NOC4L: variants seen among roughly 807,000 people sequenced by gnomAD.
NOC4L encodes the protein nucleolar complex protein 4 homolog.
Under a neutral mutation model 62.8 loss-of-function variants are expected in NOC4L, and 40 were observed. That is an observed-to-expected ratio of 0.64 (90% CI 0.49 to 0.83). The LOEUF is 0.83. Ranked by LOEUF, NOC4L falls within the 40% of genes least tolerant of loss-of-function variation. The pLI is 0.00. For missense variants in NOC4L, 927 were observed against 701.9 expected, an observed-to-expected ratio of 1.32 and a Z score of -3.62; for synonymous variants, 433 against 299.8, an observed-to-expected ratio of 1.44 and a Z score of -4.59.
intron 7 of NOC4L, 79 bp downstream of exon 7, chr12:132,148,185 T>G (rs1897797870): frequency 1.4e-6 from 2 of 1,457,126 alleles, no homozygotes; most frequent in Non-Finnish European, 1.9e-6. Flanking sequence ...CCATGGAGGC[T>G]GCCGCCTTCC....
intron 3 of NOC4L, among the ~76,000 whole-genome samples, chr12:132,146,695 C>T (rs1897740442): frequency 6.6e-6 from 1 of 152,186 alleles, no homozygotes; most frequent in South Asian, 2.1e-4. Context: ...CAGTTTCCAC[C>T]TTCTCAGAAA....
chr12:132,152,111 G>T lies in NOC4L; in HGVS notation c.1345G>T (p.Val449Leu), dbSNP rs753146751. The change falls in exon 14 of 15, where the codon GTG (valine) becomes TTG (leucine). Residue 449 changes from valine to leucine, a missense_variant. Coordinates refer to ENST00000330579, the MANE Select transcript of NOC4L (RefSeq NM_024078.3). The part of the protein sequence containing the change: ...QALQRHYHPE[V>L]SKAASVINQA... ...CCTCCAGCGCCACTACCACCCTGAG[G>T]TGTCCAAAGCCGCCAGCGTCATCAA... 1.2e-6 allele frequency: 2 copies of T among 1,612,228 alleles called. No homozygotes were observed. The highest frequency in any genetic ancestry group is 1.7e-6 in the Non-Finnish European group (2 of 1,179,822).
chr12:132,144,466 CG>C lies in NOC4L; in HGVS notation c.-22del. The stretch of plus-strand genomic sequence containing the variant: ...GGGAGCGCCGGCGGCTGAGAATCCG[CG>C]TTGTTCCGTGTTGGGGGCGGCATGG... On this transcript the variant is annotated 5_prime_UTR_variant, in exon 1 of 15. Transcript: ENST00000330579. The C allele has an allele frequency of 6.7e-7, 1 of 1,502,460 alleles. No individual in the cohort carries two copies. The highest frequency in any genetic ancestry group is 1.3e-5 in the South Asian group (1 of 77,646). 93.1% of individuals were successfully genotyped at this position (1,502,460 alleles called of 1,614,324 possible).
At chr12:132,151,190 A>T in intron 10 of NOC4L, 68 bp from the exon 11 acceptor site, 1 of 1,462,448 alleles carries the variant, frequency 6.8e-7, no homozygotes, top group South Asian at 1.1e-5. Flanking sequence ...GCCGAGTGAG[A>T]CCCTGGCCTT....
chr12:132,151,393 G>T (rs766702933), intron 11 of NOC4L, 25 bp downstream of exon 11: 5 of 1,605,312 alleles, frequency 3.1e-6, no homozygotes, highest in Non-Finnish European at 3.4e-6. Flanking sequence ...ACCTGGCTCT[G>T]CCCTGCTCTG....
rs1416210289 is a variant in NOC4L at position 132,151,548 on chromosome 12, C to T, written c.1138C>T (p.Pro380Ser). 3 of 1,609,068 alleles carry T rather than the reference C, an allele frequency of 1.9e-6. No homozygotes were observed. Among genetic ancestry groups the T allele is most frequent in the Non-Finnish European group, 2.5e-6 (3 of 1,179,052 alleles). ...KRLARLALTAPPEALLMVLPF... is the reference protein window; with the variant it reads ...KRLARLALTASPEALLMVLPF... ...GCTGGCCCGCCTGGCCCTGACGGCT[C>T]CCCCTGAGGCCCTGCTCATGGTCCT... The change falls in exon 12 of 15, where the codon CCC (proline) becomes TCC (serine). Residue 380 changes from proline (P) to serine (S), a missense_variant. Transcript: ENST00000330579.
chr12:132,145,596 G>A lies in NOC4L; in HGVS notation c.276G>A (p.Met92Ile), dbSNP rs768261123. 9 of 1,613,376 alleles carry A rather than the reference G, an allele frequency of 5.6e-6. No individual in the cohort carries two copies. The highest frequency in any genetic ancestry group is 3.3e-5 in the South Asian group (3 of 91,078). Residue 92 changes from methionine to isoleucine, a missense_variant, in exon 3 of 15, where the codon ATG (methionine) becomes ATA (isoleucine). Met to Ile is a conservative substitution (Grantham distance 10). Coordinates refer to ENST00000330579, the MANE Select transcript of NOC4L (RefSeq NM_024078.3). Reference sequence around the variant, plus strand: ...CCACACGGAAGTACAAGGTGTGGATGAGACACCGCTATCACAGCTGCTGCA... The same window carrying A: ...CCACACGGAAGTACAAGGTGTGGATAAGACACCGCTATCACAGCTGCTGCA... ...QGATRKYKVW[M>I]RHRYHSCCNR...
chr12:132,151,892 G>A (rs1001441923), intron 13 of NOC4L, 72 bp downstream of exon 13: 82 of 1,468,178 alleles, frequency 5.6e-5, no homozygotes, highest in Admixed American at 1.3e-4. Flanking sequence ...CCAGCTCCCC[G>A]TGCCACCTCC....
chr12:132,147,863 C>G lies in NOC4L; in HGVS notation c.604-17C>G, dbSNP rs1864310465. 1.2e-6 allele frequency: 2 copies of G among 1,609,618 alleles called. No individual in the cohort carries two copies. The highest frequency in any genetic ancestry group is 1.7e-5 in the Admixed American group (1 of 59,902). ...GACTGGGGGGCGGCGTCCAGGCACT[C>G]AGGCCAGGCTCCGCAGGTGCCCCCC... On this transcript the variant is annotated splice_polypyrimidine_tract_variant and intron_variant, in intron 5 of 14. Coordinates refer to ENST00000330579, the MANE Select transcript of NOC4L (RefSeq NM_024078.3).
intron 13 of NOC4L, 112 bp from the exon 14 acceptor site, chr12:132,151,972 C>T (rs371985813): frequency 1.5e-4 from 190 of 1,253,480 alleles, no homozygotes; most frequent in Non-Finnish European, 1.9e-4. Context: ...GGCCTTCTCA[C>T]GTGGCTCCGT....
At chr12:132,145,265 C>T (rs957936375) in intron 2 of NOC4L, among the ~76,000 whole-genome samples, 5 of 152,132 alleles carry the variant, frequency 3.3e-5, no homozygotes, top group African/African-American at 7.2e-5. Context: ...CTCGGAGCTT[C>T]CTTTATGTCC....
chr12:132,151,451 C>G (rs767880326), intron 11 of NOC4L, 33 bp from the exon 12 acceptor site: 5 of 1,599,794 alleles, frequency 3.1e-6, no homozygotes, highest in South Asian at 2.2e-5. Context: ...GCTAGCAGTC[C>G]GGGCCCTGTC....
Position 132,151,394 on chromosome 12 carries a change from C to T in NOC4L, c.1073+26C>T, listed in dbSNP as rs776844608. Reference sequence around the variant, plus strand: ...GTGAGTACCAGGGCACCTGGCTCTGCCCTGCTCTGTGCGGCTGCAGCCTGG... The same window carrying T: ...GTGAGTACCAGGGCACCTGGCTCTGTCCTGCTCTGTGCGGCTGCAGCCTGG... On this transcript the variant is annotated intron_variant, in intron 11 of 14. Transcript: ENST00000330579. The T allele has an allele frequency of 5.0e-6, 8 of 1,605,078 alleles. No individual in the cohort carries two copies. The Admixed American group carries it at 1.0e-4, about 20-fold the overall frequency.
chr12:132,148,614 C>A lies in NOC4L; in HGVS notation c.744C>A (p.His248Gln). ...CAGTCTGGACCCCGTTGCAGGAGCA[C>A]AGGAGGGTTTTCCAGGCCATGTGGC... ...DTWKVAHLKE[H>Q]RRVFQAMWLS... Residue 248 changes from histidine (H) to glutamine (Q), a missense_variant, in exon 8 of 15, where the codon CAC becomes CAA. By Grantham distance (24) the His-to-Gln change is conservative. Transcript: ENST00000330579. 6.5e-7 allele frequency: 1 copy of A among 1,546,708 alleles called. No homozygotes were observed. The highest frequency in any genetic ancestry group is 8.7e-7 in the Non-Finnish European group (1 of 1,145,822).
intron 10 of NOC4L, 70 bp from the exon 11 acceptor site, chr12:132,151,186 TGA>T: frequency 6.9e-7 from 1 of 1,456,988 alleles, no homozygotes; most frequent in Non-Finnish European, 9.6e-7. Flanking sequence ...GGGCGCCGAG[TGA>T]GACCCTGGCC....
chr12:132,144,630 C>A, intron 1 of NOC4L, 25 bp downstream of exon 1: 1 of 1,479,006 alleles, frequency 6.8e-7, no homozygotes, highest in Admixed American at 2.4e-5. Flanking sequence ...GTCGCAGGGC[C>A]GGAGTCGCGG....
Position 132,148,602 on chromosome 12 carries a change from G to A in NOC4L, c.739-7G>A, listed in dbSNP as rs533552838. Reference sequence around the variant, plus strand: ...GGGCGGCGAGTGCAGTCTGGACCCCGTTGCAGGAGCACAGGAGGGTTTTCC... The same window carrying A: ...GGGCGGCGAGTGCAGTCTGGACCCCATTGCAGGAGCACAGGAGGGTTTTCC... On this transcript the variant is annotated splice_region_variant and splice_polypyrimidine_tract_variant and intron_variant, in intron 7 of 14. Coordinates refer to ENST00000330579, the MANE Select transcript of NOC4L (RefSeq NM_024078.3). The A allele has an allele frequency of 1.4e-4, 220 of 1,548,016 alleles. No individual in the cohort carries two copies. In the South Asian group the frequency reaches 1.9e-3, roughly 14 times the overall value.
chr12:132,147,569 C>T (rs937845474), intron 4 of NOC4L, 64 bp from the exon 5 acceptor site: 2 of 1,576,940 alleles, frequency 1.3e-6, no homozygotes, highest in South Asian at 1.2e-5. Context: ...GGCAGGGCTG[C>T]CTGCCTGGAC....
Position 132,150,978 on chromosome 12 carries a change from CA to C in NOC4L, c.902-2del. 1 of 1,605,380 alleles carries C rather than the reference CA, an allele frequency of 6.2e-7. No homozygotes were observed. The highest frequency in any genetic ancestry group is 8.5e-7 in the Non-Finnish European group (1 of 1,175,912). On this transcript the variant is annotated splice_acceptor_variant, in intron 9 of 14. Transcript: ENST00000330579. LOFTEE classifies it high-confidence loss of function. ...GCTCCAGCCTGTGTCTGTCTGTCTG[CA>C]GGGGGGGCCCTCAGCCTCTTGGCCT...
Sources: gnomAD v4.1 joint callset for allele counts (sites outside exome capture counted in the v4.1 genomes callset) on GRCh38, gnomAD v4.1.1 for gene constraint, MANE v1.5 for transcripts, NCBI Gene and HGNC (gene_info 2026-07-23, HGNC 2026-07-21) for gene names.